The following PACS2 variants were observed in gnomAD, a reference collection of about 807,000 sequenced individuals.
The protein encoded by PACS2 is PACS1-like protein.
PACS2 carries 36 observed loss-of-function variants against 113.0 expected under a neutral mutation model. The ratio of observed to expected loss-of-function variants is 0.32; its 90% CI spans 0.24 to 0.42. PACS2 has a LOEUF of 0.42. Among genes scored for constraint, PACS2 ranks in the 10% least tolerant of loss-of-function variants. The pLI, the probability that PACS2 is intolerant of heterozygous loss-of-function variation, is 1.00. For missense variants in PACS2, 1,015 were observed against 1,239.5 expected (o/e 0.82, Z 2.72); for synonymous variants, 589 against 536.1 (o/e 1.10, Z -1.36).
At chr14:105,379,015 G>T (rs2080884781) in intron 9 of PACS2, among the ~76,000 whole-genome samples, 1 of 152,044 alleles carries the variant, frequency 6.6e-6, no homozygotes, top group South Asian at 2.1e-4. Context: ...AGGCATGGAT[G>T]GTCTGGATAG....
intron 2 of PACS2, among the ~76,000 whole-genome samples, chr14:105,349,025 G>A (rs888927402): frequency 1.3e-5 from 2 of 152,214 alleles, no homozygotes; most frequent in Non-Finnish European, 2.9e-5. Context: ...CCTCTCTCCT[G>A]ACCCTAGTGG....
chr14:105,328,275 A>C (rs2140892484), intron 1 of PACS2, among the ~76,000 whole-genome samples: 1 of 152,352 alleles, frequency 6.6e-6, no homozygotes. Flanking sequence ...GGGAGGAGGC[A>C]GCTGTCCAGG....
chr14:105,397,147 C>A lies in PACS2; in HGVS notation c.*2475C>A, dbSNP rs1466139277. The A allele has an allele frequency of 6.6e-6, 1 of 152,354 alleles. No individual in the cohort carries two copies. Among genetic ancestry groups the A allele is most frequent in the Non-Finnish European group, 1.5e-5 (1 of 68,124 alleles). The allele number at this position is 152,354 out of a possible 1,614,324, so 9.4% of individuals were successfully genotyped here. A position where few individuals can be genotyped will look rare whatever the true frequency, so the allele number is the denominator to read the frequency against. On this transcript the variant is annotated 3_prime_UTR_variant, in exon 25 of 25. Transcript: ENST00000447393. ...CACGGTCCATCCCCCACACCATGCCCAGCACCAGGGAGGTTGGGCAGACAA... is the reference window on the plus strand; with the variant it reads ...CACGGTCCATCCCCCACACCATGCCAAGCACCAGGGAGGTTGGGCAGACAA...
At chr14:105,382,960 G>T (rs781786207) in intron 15 of PACS2, 47 bp downstream of exon 15, 4 of 1,142,274 alleles carry the variant, frequency 3.5e-6, no homozygotes, top group Admixed American at 1.7e-5. Context: ...ACCCCTCGGG[G>T]TCCCTGCACC....
At chr14:105,319,172 T>G (rs1294813720) in intron 1 of PACS2, among the ~76,000 whole-genome samples, 1 of 151,624 alleles carries the variant, frequency 6.6e-6, no homozygotes, top group Non-Finnish European at 1.5e-5. Context: ...GGTCTCGATC[T>G]CTTGACCTCG....
At chr14:105,331,508 TG>T (rs1275743941) in intron 1 of PACS2, among the ~76,000 whole-genome samples, 1 of 152,184 alleles carries the variant, frequency 6.6e-6, no homozygotes, top group East Asian at 1.9e-4. Flanking sequence ...CCTCAAACTC[TG>T]GGGCTCGAGT....
At chr14:105,383,320 G>A (rs371055755) in intron 15 of PACS2, 39 bp from the exon 16 acceptor site, 92 of 1,600,014 alleles carry the variant, frequency 5.7e-5, no homozygotes, top group Non-Finnish European at 7.1e-5. Context: ...CCCCTGAGGC[G>A]TCTGTCCCCT....
intron 4 of PACS2, among the ~76,000 whole-genome samples, chr14:105,362,323 C>T (rs1424693019): frequency 4.0e-5 from 6 of 148,876 alleles, no homozygotes; most frequent in East Asian, 4.0e-4. Flanking sequence ...GAGGCTGAGG[C>T]AGGAGAATGG....
chr14:105,368,083 C>A lies in PACS2; in HGVS notation c.596C>A (p.Ser199Tyr). Reference sequence around the variant, plus strand: ...TCTGTTCATTCCGCAGATAACTACTCCGAGGAGGAGTATGAGAGCTTCTCC... The same window carrying A: ...TCTGTTCATTCCGCAGATAACTACTACGAGGAGGAGTATGAGAGCTTCTCC... ...GPKAKSTDNY[S>Y]EEEYESFSSE... The change falls in exon 6 of 25, where the codon TCC becomes TAC. Residue 199 changes from serine to tyrosine, a missense_variant. Ser to Tyr is a moderately radical substitution (Grantham distance 144). This residue lies in a region of PACS2 where 859 missense variants were observed against 1,056.8 expected (regional missense o/e 0.81). Transcript: ENST00000447393. The A allele has an allele frequency of 1.2e-6, 2 of 1,608,732 alleles. No individual in the cohort carries two copies. Among genetic ancestry groups the A allele is most frequent in the Non-Finnish European group, 1.7e-6 (2 of 1,175,686 alleles).
rs1444119615 is a variant in PACS2 at position 105,340,359 on chromosome 14, A to G, written c.120-8134A>G. On this transcript the variant is annotated intron_variant, in intron 1 of 24. Transcript: ENST00000447393. The surrounding 1 kb of genome is among the most constrained non-coding windows in gnomAD (Gnocchi z 4.2). ...GATAATCTCATTGTGAAAAAGAGGA[A>G]GGAACAAATGGGGGAGTGGGATGGA... is the stretch of plus-strand genomic sequence containing the variant. Among the ~76,000 whole-genome samples, 1 of 152,236 alleles carries G rather than the reference A, an allele frequency of 6.6e-6. No individual in the cohort carries two copies. Among genetic ancestry groups the G allele is most frequent in the Non-Finnish European group, 1.5e-5 (1 of 68,042 alleles).
intron 1 of PACS2, among the ~76,000 whole-genome samples, chr14:105,333,966 G>A (rs1323050062): frequency 6.6e-5 from 10 of 152,228 alleles, no homozygotes; most frequent in Non-Finnish European, 1.3e-4. Flanking sequence ...GCCCTTGCTG[G>A]GCAGGGCCCA....
chr14:105,358,880 T>C lies in PACS2; in HGVS notation c.423+3703T>C, dbSNP rs1427148256. On this transcript the variant is annotated intron_variant, in intron 4 of 24. Transcript: ENST00000447393. The surrounding 1 kb of genome is among the most constrained non-coding windows in gnomAD (Gnocchi z 4.9). ...ATTCCCTTTAGTTTCTCTCTATGAG[T>C]GTCTGCACAGCCACAGGCTGCTGAT... is the stretch of plus-strand genomic sequence containing the variant. Among the ~76,000 whole-genome samples the C allele has an allele frequency of 1.3e-5, 2 of 152,146 alleles. No homozygotes were observed. The highest frequency in any genetic ancestry group is 2.9e-5 in the Non-Finnish European group (2 of 68,026).
rs144284123 is a variant in PACS2 at position 105,386,665 on chromosome 14, C to A, written c.2033+948C>A. Among the ~76,000 whole-genome samples, 144 of 152,182 alleles carry A rather than the reference C, an allele frequency of 9.5e-4. 4 individuals carry two copies. In the East Asian group the frequency reaches 0.023, roughly 25 times the overall value. ...TTGCTGTCCTAGGAAACCCCCCCAA[C>A]CCCCTGACCTCAGTGCAGGGTAGTT... On this transcript the variant is annotated intron_variant, in intron 19 of 24. Coordinates refer to ENST00000447393, the MANE Select transcript of PACS2 (RefSeq NM_001100913.3).
intron 8 of PACS2, among the ~76,000 whole-genome samples, chr14:105,375,127 C>T (rs188444860): frequency 3.3e-5 from 5 of 152,086 alleles, no homozygotes; most frequent in Non-Finnish European, 5.9e-5. Flanking sequence ...GCGCTCTACC[C>T]TGGGCAACAA....
At chr14:105,311,572 AACTC>A (rs1367557047), upstream of PACS2, among the ~76,000 whole-genome samples, 4 of 152,036 alleles carry the variant, frequency 2.6e-5, no homozygotes, top group African/African-American at 9.7e-5. Context: ...AGCTACTTTT[AACTC>A]ACTATTTCTG....
At chr14:105,382,354 C>CT (rs1227950407) in intron 13 of PACS2, 123 bp from the exon 14 acceptor site, 1 of 736,492 alleles carries the variant, frequency 1.4e-6, no homozygotes, top group Non-Finnish European at 2.4e-6. Context: ...GGCCAGCTCT[C>CT]TTCCTGCCAC....
intron 1 of PACS2, among the ~76,000 whole-genome samples, chr14:105,322,225 G>T (rs1453500576): frequency 2.7e-5 from 4 of 149,362 alleles, no homozygotes. Context: ...CTGAGCCTCT[G>T]TGCCCGGCCT....
intron 22 of PACS2, chr14:105,392,264 C>G (rs188670967): frequency 1.3e-5 from 5 of 384,958 alleles, no homozygotes; most frequent in Non-Finnish European, 2.4e-5. Context: ...GCAGATACCC[C>G]CCCGACCCCC....
intron 22 of PACS2, 179 bp downstream of exon 22, chr14:105,391,945 G>A: frequency 1.7e-6 from 1 of 604,250 alleles, no homozygotes; most frequent in East Asian, 3.0e-5. Context: ...CCACAGATCT[G>A]GTGTTTGGGG....
Sources: allele counts gnomAD v4.1 joint callset (sites outside exome capture counted in the v4.1 genomes callset), GRCh38; gene constraint gnomAD v4.1.1; regional missense constraint gnomAD v4.1.1; non-coding constraint Gnocchi (gnomAD v3.1); transcripts MANE v1.5; gene names NCBI Gene and HGNC (gene_info 2026-07-23, HGNC 2026-07-21).